Variants in THRA observed in about 807,000 individuals in gnomAD.
THRA encodes thyroid hormone receptor alpha.
In THRA, 13 loss-of-function variants were observed where a neutral mutation model predicts 45.0. The observed-to-expected ratio is 0.29, with a 90% CI of 0.19 to 0.46. The LOEUF is 0.46. Ranked by LOEUF, THRA falls within the 20% of genes least tolerant of loss-of-function variation. The pLI is 1.00. For missense variants in THRA, 278 were observed against 556.1 expected (o/e 0.50, Z 5.03); for synonymous variants, 195 against 214.0 (o/e 0.91, Z 0.78).
chr17:40,083,830 C>G lies in THRA; in HGVS notation c.223-5C>G, dbSNP rs200727359. ...TCACAGCCTGCTCCATCTCCCCCAC[C>G]CCAGGGCTTCTTTCGCCGCACAATC... On this transcript the variant is annotated splice_polypyrimidine_tract_variant and splice_region_variant and intron_variant, in intron 4 of 8. Transcript: ENST00000450525. 1,043 of 1,598,514 alleles carry G rather than the reference C, an allele frequency of 6.5e-4. 7 individuals are homozygous for G. The highest frequency in any genetic ancestry group is 6.4e-3 in the South Asian group (566 of 88,440).
intron 3 of THRA, among the ~76,000 whole-genome samples, 155 bp downstream of exon 3, chr17:40,077,093 G>T (rs1986981864): frequency 1.3e-5 from 2 of 152,110 alleles, no homozygotes; most frequent in African/African-American, 4.8e-5. Flanking sequence ...GGTGAGAAAG[G>T]TAATGTGGGA....
Position 40,089,099 on chromosome 17 carries a change from CCT to C in THRA, c.983-104_983-103del. ...CCCCTCCCCTCCCCCAGCCTCTCTG[CCT>C]CTATCTCCCCTCTAGTCCTTTCTTC... is the stretch of plus-strand genomic sequence containing the variant. On this transcript the variant is annotated intron_variant, in intron 8 of 8. Coordinates refer to ENST00000450525, the MANE Select transcript of THRA (RefSeq NM_199334.5). This position sits in a 1 kb window ranked among gnomAD's most constrained non-coding sequence, Gnocchi z 6.1. The C allele has an allele frequency of 9.1e-7, 1 of 1,093,118 alleles. No homozygotes were observed. The highest frequency in any genetic ancestry group is 1.4e-5 in the South Asian group (1 of 69,238). 67.7% of individuals were successfully genotyped at this position (1,093,118 alleles called of 1,614,324 possible). A position where few individuals can be genotyped will look rare whatever the true frequency, so the allele number is the denominator to read the frequency against.
At chr17:40,084,842 GC>G in intron 6 of THRA, 27 bp downstream of exon 6, 1 of 1,610,340 alleles carries the variant, frequency 6.2e-7, no homozygotes, top group Non-Finnish European at 8.5e-7. Flanking sequence ...CATGGGGAGA[GC>G]AGTAGCCAGG....
chr17:40,087,347 GAC>G (rs1479493853), intron 7 of THRA, among the ~76,000 whole-genome samples: 1 of 116,690 alleles, frequency 8.6e-6, no homozygotes, highest in African/African-American at 3.4e-5. Context: ...CTAGCACACA[GAC>G]ACACAGATAC....
chr17:40,093,416 A>T, downstream of THRA: 1 of 1,591,868 alleles, frequency 6.3e-7, no homozygotes, highest in Non-Finnish European at 8.6e-7. This position sits in a 1 kb window ranked among gnomAD's most constrained non-coding sequence, Gnocchi z 5.9. Context: ...AAGGAGAAGG[A>T]GTGCCATACC....
Position 40,092,185 on chromosome 17 carries a change from T to G in THRA, c.*2729T>G, listed in dbSNP as rs1224697434. ...CATCCAGCCTCCTCCCTGCTCAGACTTGGGGAGGGTGGGGGAGGAGCCCCT... is the reference window on the plus strand; with the variant it reads ...CATCCAGCCTCCTCCCTGCTCAGACGTGGGGAGGGTGGGGGAGGAGCCCCT... On this transcript the variant is annotated 3_prime_UTR_variant, in exon 9 of 9. Coordinates refer to ENST00000450525, the MANE Select transcript of THRA (RefSeq NM_199334.5). 1 of 151,824 alleles carries G rather than the reference T, an allele frequency of 6.6e-6. No individual in the cohort carries two copies. The highest frequency in any genetic ancestry group is 1.5e-5 in the Non-Finnish European group (1 of 68,036). The allele number at this position is 151,824 out of a possible 1,614,324, so 9.4% of individuals were successfully genotyped here.
chr17:40,076,932 A>G lies in THRA; in HGVS notation c.115A>G (p.Met39Val), dbSNP rs1192751220. The G allele has an allele frequency of 6.2e-7, 1 of 1,613,974 alleles. No homozygotes were observed. Among genetic ancestry groups the G allele is most frequent in the Non-Finnish European group, 8.5e-7 (1 of 1,179,982 alleles). The part of the protein sequence containing the change: ...KNGQCSLKTS[M>V]SGYIPSYLDK... ...CGGCCAATGTTCCCTGAAAACCAGC[A>G]TGTCAGGTGAGGCTGGCTGTGCGTG... The change falls in exon 3 of 9, where the codon ATG becomes GTG. Residue 39 changes from methionine (M) to valine (V), a missense_variant. By Grantham distance (21) the Met-to-Val change is conservative. Around this residue, in one of 6 missense-constraint regions of THRA, gnomAD observed 20 missense variants for 65.2 expected, o/e 0.31. Transcript: ENST00000450525.
chr17:40,091,287 G>GACACACACAC lies in THRA; in HGVS notation c.*1834_*1835insCACACACACA. The GACACACACAC allele has an allele frequency of 6.8e-6, 1 of 148,012 alleles. No homozygotes were observed. The highest frequency in any genetic ancestry group is 6.8e-5 in the Admixed American group (1 of 14,768). 9.2% of individuals were successfully genotyped at this position (148,012 alleles called of 1,614,324 possible). A position where few individuals can be genotyped will look rare whatever the true frequency, so the allele number is the denominator to read the frequency against. ...ACACACACACGGACATGCACACACG[G>GACACACACAC]ACATGGGAAGGCAATGCTATGCTGC... is the stretch of plus-strand genomic sequence containing the variant. On this transcript the variant is annotated 3_prime_UTR_variant, in exon 9 of 9. Transcript: ENST00000450525.
intron 4 of THRA, among the ~76,000 whole-genome samples, chr17:40,082,123 C>T (rs1281192675): frequency 6.0e-5 from 9 of 151,194 alleles, no homozygotes; most frequent in Admixed American, 5.9e-4. Flanking sequence ...GGACAACAGG[C>T]AACATATATG....
chr17:40,066,710 A>G (rs1267618735), intron 1 of THRA, among the ~76,000 whole-genome samples: 1 of 151,040 alleles, frequency 6.6e-6, no homozygotes, highest in East Asian at 1.9e-4. Flanking sequence ...ACAAGGCATT[A>G]TCTATCAAGC....
chr17:40,093,342 A>G (rs780010736), downstream of THRA: 1 of 1,612,802 alleles, frequency 6.2e-7, no homozygotes, highest in Non-Finnish European at 8.5e-7. The surrounding 1 kb of genome is among the most constrained non-coding windows in gnomAD (Gnocchi z 5.9). Flanking sequence ...GAGGAACCGG[A>G]GGTCTGCGAG....
intron 7 of THRA, among the ~76,000 whole-genome samples, chr17:40,087,834 C>T (rs1987386619): frequency 6.6e-6 from 1 of 152,234 alleles, no homozygotes; most frequent in South Asian, 2.1e-4. Flanking sequence ...TCTGGGCTCA[C>T]TGCAACCTCC....
chr17:40,089,567 G>C lies in THRA; in HGVS notation c.*111G>C. 1 of 1,475,640 alleles carries C rather than the reference G, an allele frequency of 6.8e-7. No homozygotes were observed. Among genetic ancestry groups the C allele is most frequent in the Non-Finnish European group, 8.9e-7 (1 of 1,117,378 alleles). The allele number at this position is 1,475,640 out of a possible 1,614,324, so 91.4% of individuals were successfully genotyped here. On this transcript the variant is annotated 3_prime_UTR_variant, in exon 9 of 9. Coordinates refer to ENST00000450525, the MANE Select transcript of THRA (RefSeq NM_199334.5). This position sits in a 1 kb window ranked among gnomAD's most constrained non-coding sequence, Gnocchi z 6.1. ...CCACACCCCTTCTCTCCTTCCTCTC[G>C]TCCTTGGATAGATTCAGCTCCCACA...
In THRA at chr17:40,077,563, G is replaced by A. The variant is rs771132880; in HGVS notation, c.177G>A (p.Lys59=). 3.7e-6 allele frequency: 6 copies of A among 1,613,950 alleles called. No individual in the cohort carries two copies. In the East Asian group the frequency reaches 1.1e-4, roughly 30 times the overall value. The part of the protein sequence containing the change: ...KDEQCVVCGD[K]ATGYHYRCIT... ...AGCAGTGTGTCGTGTGTGGGGACAA[G>A]GCAACTGGTTATCACTACCGCTGTA... is the stretch of plus-strand genomic sequence containing the variant. Residue 59 remains lysine (K), a synonymous_variant, in exon 4 of 9, where the codon AAG becomes AAA. Coordinates refer to ENST00000450525, the MANE Select transcript of THRA (RefSeq NM_199334.5).
At position 40,092,987 on chromosome 17, in the gene THRA, T is replaced by C. The variant is rs777445843; in HGVS notation, c.*3531T>C. The C allele has an allele frequency of 2.0e-5, 32 of 1,596,230 alleles. No individual in the cohort carries two copies. In the East Asian group the frequency reaches 5.2e-4, roughly 26 times the overall value. On this transcript the variant is annotated 3_prime_UTR_variant, in exon 9 of 9. Coordinates refer to ENST00000450525, the MANE Select transcript of THRA (RefSeq NM_199334.5). ...ATATTTTATAACAATATAAATAAGA[T>C]TCTGGTTTGCTTTTCCTTTTCGTCT...
chr17:40,064,601 A>G (rs779731987), intron 1 of THRA, among the ~76,000 whole-genome samples: 2 of 152,246 alleles, frequency 1.3e-5, no homozygotes, highest in African/African-American at 2.4e-5. Flanking sequence ...ATTTGGCTGT[A>G]TGAAAAAGTG....
chr17:40,066,142 G>C (rs114095306), intron 1 of THRA, among the ~76,000 whole-genome samples: 1 of 152,190 alleles, frequency 6.6e-6, no homozygotes, highest in African/African-American at 2.4e-5. Flanking sequence ...CCTCCCACCC[G>C]TGAGTGCAGG....
chr17:40,064,332 T>G (rs1425886169), intron 1 of THRA, among the ~76,000 whole-genome samples: 2 of 152,198 alleles, frequency 1.3e-5, no homozygotes, highest in Non-Finnish European at 2.9e-5. Context: ...GTCACATGCA[T>G]GCATGCACAC....
intron 1 of THRA, among the ~76,000 whole-genome samples, chr17:40,072,964 G>A (rs1332988753): frequency 9.2e-5 from 14 of 152,188 alleles, no homozygotes; most frequent in East Asian, 1.9e-4. Context: ...GAGGTAGAAC[G>A]GGCCACTTTT....
Sources: allele counts gnomAD v4.1 joint callset (sites outside exome capture counted in the v4.1 genomes callset), GRCh38; gene constraint gnomAD v4.1.1; regional missense constraint gnomAD v4.1.1; non-coding constraint Gnocchi (gnomAD v3.1); transcripts MANE v1.5; gene names NCBI Gene and HGNC (gene_info 2026-07-23, HGNC 2026-07-21).